The following ZNF385D variants were observed in gnomAD, a reference collection of about 807,000 sequenced individuals.
ZNF385D encodes zinc finger protein 385D.
Under a neutral mutation model 35.8 loss-of-function variants are expected in ZNF385D, and 15 were observed. The ratio of observed to expected loss-of-function variants is 0.42; its 90% CI spans 0.28 to 0.64. The LOEUF is 0.64. Among genes scored for constraint, ZNF385D ranks in the 30% least tolerant of loss-of-function variants. The probability of loss-of-function intolerance (pLI) is 0.23; values close to 1 mark genes in which losing one functional copy is unlikely to be tolerated. For synonymous variants in ZNF385D, 212 were observed against 186.8 expected, an observed-to-expected ratio of 1.13 and a Z score of -1.10; for missense variants, 474 against 494.6, an observed-to-expected ratio of 0.96 and a Z score of 0.39.
chr3:21,494,321 A>G (rs750772166), intron 4 of ZNF385D, among the ~76,000 whole-genome samples: 1 of 152,188 alleles, frequency 6.6e-6, no homozygotes, highest in African/African-American at 2.4e-5. Context: ...GGCACATTAG[A>G]GCCTTTTAAC....
At chr3:21,455,622 G>C (rs568372198) in intron 4 of ZNF385D, among the ~76,000 whole-genome samples, 17 of 152,198 alleles carry the variant, frequency 1.1e-4, no homozygotes, top group Admixed American at 3.3e-4. Context: ...AGACCTAAAA[G>C]CATAAAAACC....
intron 1 of ZNF385D, among the ~76,000 whole-genome samples, chr3:21,718,958 A>T (rs577665428): frequency 6.6e-6 from 1 of 152,252 alleles, no homozygotes; most frequent in Non-Finnish European, 1.5e-5. Flanking sequence ...AAATTAATGA[A>T]GAAAAATTAT....
At chr3:22,224,426 T>A (rs1214777870) in intron 2 of ZNF385D, among the ~76,000 whole-genome samples, 1 of 152,200 alleles carries the variant, frequency 6.6e-6, no homozygotes, top group Non-Finnish European at 1.5e-5. Context: ...TTACCTCAGA[T>A]TCTATCTCTC....
chr3:22,305,078 T>G (rs916379028), intron 2 of ZNF385D, among the ~76,000 whole-genome samples: 2 of 152,126 alleles, frequency 1.3e-5, no homozygotes, highest in African/African-American at 4.8e-5. Context: ...AGTTCTCTTT[T>G]AATCTCAGCT....
At chr3:21,725,843 C>T (rs1037782569) in intron 1 of ZNF385D, among the ~76,000 whole-genome samples, 1 of 152,128 alleles carries the variant, frequency 6.6e-6, no homozygotes, top group African/African-American at 2.4e-5. Context: ...AGGCCAGCAT[C>T]ATCCTGACAC....
intron 2 of ZNF385D, among the ~76,000 whole-genome samples, chr3:22,204,979 CAAAAAAAA>C (rs761954306): frequency 7.5e-5 from 7 of 92,982 alleles, no homozygotes; most frequent in Non-Finnish European, 1.5e-4. Flanking sequence ...TGACCAAATC[CAAAAAAAA>C]AAAAAAAAAA....
chr3:22,100,497 T>G (rs933843514), intron 3 of ZNF385D, among the ~76,000 whole-genome samples: 1 of 152,002 alleles, frequency 6.6e-6, no homozygotes, highest in African/African-American at 2.4e-5. Flanking sequence ...GGATATACTA[T>G]GCAGCCATAA....
In ZNF385D at chr3:21,689,109, T is replaced by C. The variant is rs146217331; in HGVS notation, c.23-24081A>G. ...ATGTAAAAAGATTTAGAATCATCTG[T>C]CCTGCCCCACCTTATTGAAGCAAAA... On this transcript the variant is annotated intron_variant, in intron 1 of 7. Coordinates refer to ENST00000281523, the MANE Select transcript of ZNF385D (RefSeq NM_024697.3). Among the ~76,000 whole-genome samples the C allele has an allele frequency of 2.1e-5, 3 of 142,580 alleles. No individual in the cohort carries two copies. In the East Asian group the frequency reaches 6.2e-4, roughly 29 times the overall value. 93.5% of individuals were successfully genotyped at this position (142,580 alleles called of 152,430 possible).
chr3:21,554,771 C>T lies in ZNF385D; in HGVS notation c.276+9803G>A, dbSNP rs769929681. ...TCAGCACTTGCAGCTTCACCGTGCA[C>T]GTTTATGTTATGGAGAGGACTTCTT... On this transcript the variant is annotated intron_variant, in intron 3 of 7. Transcript: ENST00000281523. Among the ~76,000 whole-genome samples, 3 of 152,266 alleles carry T rather than the reference C, an allele frequency of 2.0e-5. No homozygotes were observed. In the South Asian group the frequency reaches 6.2e-4, roughly 32 times the overall value.
intron 3 of ZNF385D, among the ~76,000 whole-genome samples, chr3:22,103,403 T>C (rs1702043570): frequency 6.6e-6 from 1 of 152,084 alleles, no homozygotes; most frequent in Admixed American, 6.6e-5. Context: ...AGTAAACATC[T>C]GCTCCACATG....
At chr3:22,215,883 ACT>A (rs1398879009) in intron 2 of ZNF385D, among the ~76,000 whole-genome samples, 1 of 151,708 alleles carries the variant, frequency 6.6e-6, no homozygotes, top group Non-Finnish European at 1.5e-5. Flanking sequence ...TCTCTTTTGT[ACT>A]CTGTCCCTTT....
At chr3:21,732,857 T>C (rs1376364144) in intron 1 of ZNF385D, among the ~76,000 whole-genome samples, 2 of 152,182 alleles carry the variant, frequency 1.3e-5, no homozygotes, top group Non-Finnish European at 2.9e-5. Flanking sequence ...CTTATGCTCT[T>C]TGTAGTGTCT....
At chr3:22,134,833 A>T (rs1463120731) in intron 3 of ZNF385D, among the ~76,000 whole-genome samples, 1 of 152,266 alleles carries the variant, frequency 6.6e-6, no homozygotes, top group African/African-American at 2.4e-5. Context: ...GGTCTAACTC[A>T]TACTTTTATA....
chr3:21,878,900 A>G (rs2125859783), intron 3 of ZNF385D, among the ~76,000 whole-genome samples: 1 of 152,186 alleles, frequency 6.6e-6, no homozygotes, highest in South Asian at 2.1e-4. Context: ...GAAAGACCTT[A>G]TAAAACAATT....
intron 3 of ZNF385D, among the ~76,000 whole-genome samples, chr3:21,894,320 T>C (rs1023134512): frequency 1.1e-4 from 16 of 152,146 alleles, no homozygotes; most frequent in Non-Finnish European, 2.4e-4. Context: ...TCATGTAATA[T>C]TACCTCTTGG....
chr3:21,821,242 T>A (rs1258240955), intron 3 of ZNF385D, among the ~76,000 whole-genome samples: 1 of 151,922 alleles, frequency 6.6e-6, no homozygotes, highest in Non-Finnish European at 1.5e-5. Flanking sequence ...AAAAAAAATC[T>A]CCACCAAGCG....
At chr3:21,765,209 T>C (rs553615840) in intron 3 of ZNF385D, among the ~76,000 whole-genome samples, 3 of 150,780 alleles carry the variant, frequency 2.0e-5, no homozygotes, top group African/African-American at 7.3e-5. Flanking sequence ...AAAATCTGTG[T>C]GTGTGTGTGA....
At chr3:21,875,664 T>C (rs1276374939) in intron 3 of ZNF385D, among the ~76,000 whole-genome samples, 1 of 152,070 alleles carries the variant, frequency 6.6e-6, no homozygotes, top group African/African-American at 2.4e-5. Flanking sequence ...ATGTATGCAA[T>C]ACACTCACTT....
At chr3:22,102,220 C>A (rs1701975922) in intron 3 of ZNF385D, among the ~76,000 whole-genome samples, 2 of 151,858 alleles carry the variant, frequency 1.3e-5, no homozygotes, top group Admixed American at 1.3e-4. Flanking sequence ...TAACATTAGT[C>A]AATGTTTTTT....
Sources: allele counts gnomAD v4.1 joint callset (sites outside exome capture counted in the v4.1 genomes callset), GRCh38; gene constraint gnomAD v4.1.1; transcripts MANE v1.5; gene names NCBI Gene and HGNC (gene_info 2026-07-23, HGNC 2026-07-21).